The following FOXRED2 variants were observed in gnomAD, a reference collection of about 807,000 sequenced individuals.
FOXRED2 encodes FAD dependent oxidoreductase domain containing 2.
Under a neutral mutation model 52.5 loss-of-function variants are expected in FOXRED2, and 32 were observed. That is an observed-to-expected ratio of 0.61 (90% CI 0.46 to 0.82). The LOEUF (loss-of-function observed/expected upper bound fraction) is 0.82, where lower values mean the gene tolerates loss of function less well. Ranked by LOEUF, FOXRED2 falls within the 40% of genes least tolerant of loss-of-function variation. The pLI is 0.00. For missense variants in FOXRED2, 848 were observed against 937.5 expected (o/e 0.90, Z 1.25); for synonymous variants, 405 against 398.1 (o/e 1.02, Z -0.21).
At chr22:36,503,863 C>G (rs1319416206) in intron 4 of FOXRED2, among the ~76,000 whole-genome samples, 3 of 152,202 alleles carry the variant, frequency 2.0e-5, no homozygotes, top group Non-Finnish European at 4.4e-5. Flanking sequence ...TGGAGGCTCC[C>G]AATGCTGATG....
chr22:36,504,329 T>C lies in FOXRED2; in HGVS notation c.818A>G (p.Lys273Arg). The C allele has an allele frequency of 6.2e-7, 1 of 1,614,164 alleles. No individual in the cohort carries two copies. Among genetic ancestry groups the C allele is most frequent in the Non-Finnish European group, 8.5e-7 (1 of 1,180,042 alleles). The change falls in exon 4 of 9, where the codon AAG becomes AGG. Residue 273 changes from lysine to arginine, a missense_variant. By Grantham distance (26) the Lys-to-Arg change is conservative. Coordinates refer to ENST00000397224, the MANE Select transcript of FOXRED2 (RefSeq NM_001102371.2). ...AGACTCGAGCAGCCCGTCCAGGGAC[T>C]TGAGCTGGTAGGTATCCAGCAGGCC... ...NNGLLDTYQL[K>R]SLDGLLESDL... is the part of the protein sequence containing the mutation.
intron 4 of FOXRED2, 90 bp from the exon 5 acceptor site, chr22:36,501,497 G>A: frequency 7.8e-7 from 1 of 1,278,840 alleles, no homozygotes; most frequent in Non-Finnish European, 1.1e-6. Context: ...TTTCGCTCTT[G>A]TCGCCCAGGT....
intron 5 of FOXRED2, chr22:36,498,377 A>C (rs1385924634): frequency 1.8e-6 from 1 of 558,022 alleles, no homozygotes; most frequent in African/African-American, 1.9e-5. Context: ...GACAATCCAT[A>C]TTCTCTGCTT....
chr22:36,494,121 G>C (rs1281665217), intron 7 of FOXRED2, among the ~76,000 whole-genome samples: 1 of 152,126 alleles, frequency 6.6e-6, no homozygotes, highest in Non-Finnish European at 1.5e-5. Flanking sequence ...TTTTTATTTT[G>C]TATTATTATT....
At chr22:36,499,609 G>A (rs1282360676) in intron 5 of FOXRED2, among the ~76,000 whole-genome samples, 1 of 152,112 alleles carries the variant, frequency 6.6e-6, no homozygotes, top group Non-Finnish European at 1.5e-5. Context: ...ATGGGAAACA[G>A]GAAGAGACGC....
chr22:36,501,632 T>G (rs1934053143), intron 4 of FOXRED2, among the ~76,000 whole-genome samples: 1 of 152,104 alleles, frequency 6.6e-6, no homozygotes, highest in South Asian at 2.1e-4. Context: ...AGCTAATTTT[T>G]GTATTTTTAG....
chr22:36,499,950 C>T (rs914723063), intron 5 of FOXRED2, among the ~76,000 whole-genome samples: 7 of 152,068 alleles, frequency 4.6e-5, no homozygotes, highest in East Asian at 1.9e-4. Context: ...TACAGGCGCC[C>T]GCCACCATGC....
chr22:36,497,340 G>GA (rs1265223486), intron 6 of FOXRED2, among the ~76,000 whole-genome samples: 5 of 148,936 alleles, frequency 3.4e-5, no homozygotes, highest in African/African-American at 7.3e-5. Context: ...ACTGTCTCAA[G>GA]AAAAAAAAAA....
In FOXRED2 at chr22:36,504,159, C is replaced by T. The variant is rs764531092; in HGVS notation, c.988G>A (p.Val330Met). 1.2e-5 allele frequency: 19 copies of T among 1,614,212 alleles called. 1 individual carries two copies. Among genetic ancestry groups the T allele is most frequent in the African/African-American group, 9.3e-5 (7 of 75,070 alleles). Reference protein sequence around the residue: ...QDDNDNFAMRVPYDRVIRCLG... With the variant: ...QDDNDNFAMRMPYDRVIRCLG... ...CAGCGGATTACCCGGTCATAGGGCA[C>T]GCGCATGGCAAAGTTGTCATTGTCG... The change falls in exon 4 of 9, where the codon GTG becomes ATG. Residue 330 changes from valine (V) to methionine (M), a missense_variant. By Grantham distance (21) the Val-to-Met change is conservative. Coordinates refer to ENST00000397224, the MANE Select transcript of FOXRED2 (RefSeq NM_001102371.2).
chr22:36,490,406 C>A, intron 8 of FOXRED2, 139 bp from the exon 9 acceptor site: 1 of 1,020,142 alleles, frequency 9.8e-7, no homozygotes, highest in Non-Finnish European at 1.4e-6. Flanking sequence ...AAACTGGGAG[C>A]TGACCTTTCT....
intron 6 of FOXRED2, 22 bp downstream of exon 6, chr22:36,497,969 A>G: frequency 1.2e-6 from 2 of 1,607,174 alleles, no homozygotes; most frequent in Non-Finnish European, 1.7e-6. Context: ...CGAGGGGAGT[A>G]GGGTGGGGAC....
chr22:36,500,887 A>G (rs773099935), intron 5 of FOXRED2, among the ~76,000 whole-genome samples: 1 of 151,608 alleles, frequency 6.6e-6, no homozygotes, highest in Non-Finnish European at 1.5e-5. Context: ...CCTGGCCTAC[A>G]CTTAATTTTA....
chr22:36,502,694 CT>C (rs754745425), intron 4 of FOXRED2, among the ~76,000 whole-genome samples: 2 of 151,748 alleles, frequency 1.3e-5, no homozygotes, highest in African/African-American at 4.8e-5. Flanking sequence ...TCTCCTCTCT[CT>C]TTTTTTGTTT....
At chr22:36,492,513 TTTG>T (rs1290205203) in intron 8 of FOXRED2, among the ~76,000 whole-genome samples, 1 of 152,072 alleles carries the variant, frequency 6.6e-6, no homozygotes, top group Non-Finnish European at 1.5e-5. Context: ...CCCTGGCATT[TTTG>T]TTGTTGTTGG....
chr22:36,496,320 C>A, intron 6 of FOXRED2, 112 bp from the exon 7 acceptor site: 2 of 1,326,294 alleles, frequency 1.5e-6, no homozygotes, highest in Non-Finnish European at 2.1e-6. Context: ...TAAGGAGCGT[C>A]AATCAAGCAG....
chr22:36,499,579 T>C (rs2145851031), intron 5 of FOXRED2, among the ~76,000 whole-genome samples: 1 of 152,264 alleles, frequency 6.6e-6, no homozygotes, highest in East Asian at 1.9e-4. Context: ...TGAGCCGAGA[T>C]GGCGCCATTG....
Position 36,490,137 on chromosome 22 carries a change from C to T in FOXRED2, c.1926G>A (p.Arg642=), listed in dbSNP as rs1045221569. 13 of 1,614,080 alleles carry T rather than the reference C, an allele frequency of 8.1e-6. No individual in the cohort carries two copies. The highest frequency in any genetic ancestry group is 1.1e-5 in the Non-Finnish European group (13 of 1,179,944). Residue 642 remains arginine (R), a synonymous_variant, in exon 9 of 9, where the codon CGG becomes CGA. Coordinates refer to ENST00000397224, the MANE Select transcript of FOXRED2 (RefSeq NM_001102371.2). ...WQHRVESRLL[R]DYAPTGRRLE... is the part of the protein sequence containing the mutation. ...GGCGCCTGCCTGTGGGGGCATAGTCCCGCAGGAGCCTGCTCTCCACTCTGT... is the reference window on the plus strand; with the variant it reads ...GGCGCCTGCCTGTGGGGGCATAGTCTCGCAGGAGCCTGCTCTCCACTCTGT...
chr22:36,492,672 GC>G (rs1452626974), intron 8 of FOXRED2, among the ~76,000 whole-genome samples: 1 of 152,028 alleles, frequency 6.6e-6, no homozygotes, highest in African/African-American at 2.4e-5. Context: ...ACCCACCACT[GC>G]CCCCAGCTAA....
chr22:36,504,391 G>A, intron 3 of FOXRED2, 24 bp from the exon 4 acceptor site: 1 of 1,611,928 alleles, frequency 6.2e-7, no homozygotes, highest in Non-Finnish European at 8.5e-7. Context: ...GAATGCAGGG[G>A]AGAGAGACTC....
Sources: gnomAD v4.1 joint callset for allele counts (sites outside exome capture counted in the v4.1 genomes callset) on GRCh38, gnomAD v4.1.1 for gene constraint, MANE v1.5 for transcripts, NCBI Gene and HGNC (gene_info 2026-07-23, HGNC 2026-07-21) for gene names.